The following RAD51B variants were observed in gnomAD, a reference collection of about 807,000 sequenced individuals.
RAD51B encodes the protein DNA repair protein RAD51 homolog 2.
In RAD51B, 38 loss-of-function variants were observed where a neutral mutation model predicts 42.2. The observed-to-expected ratio is 0.90, with a 90% CI of 0.70 to 1.18. RAD51B has a LOEUF of 1.18. Ranked by LOEUF, RAD51B falls within the 50% of genes most tolerant of loss-of-function variation. The pLI is 0.00. For missense variants in RAD51B, 373 were observed against 400.7 expected (o/e 0.93, Z 0.59); for synonymous variants, 154 against 145.2 (o/e 1.06, Z -0.43).
intron 7 of RAD51B, among the ~76,000 whole-genome samples, chr14:68,089,678 C>T (rs1326883473): frequency 6.6e-6 from 1 of 152,184 alleles, no homozygotes; most frequent in Admixed American, 6.5e-5. Flanking sequence ...TCCCACCATC[C>T]CCTTTCCCCC....
At chr14:67,844,252 A>T (rs561702137) in intron 4 of RAD51B, among the ~76,000 whole-genome samples, 1 of 150,488 alleles carries the variant, frequency 6.6e-6, no homozygotes, top group African/African-American at 2.4e-5. Flanking sequence ...TAATTTGTTG[A>T]CTATTGTTTT....
chr14:68,487,489 A>T (rs1232471141), intron 10 of RAD51B, among the ~76,000 whole-genome samples: 1 of 151,162 alleles, frequency 6.6e-6, no homozygotes. Context: ...GTTGTTGATC[A>T]TGATGTACAA....
At chr14:68,315,286 A>G (rs2082033853) in intron 8 of RAD51B, among the ~76,000 whole-genome samples, 1 of 152,180 alleles carries the variant, frequency 6.6e-6, no homozygotes, top group Admixed American at 6.5e-5. Flanking sequence ...TAATCTAAGA[A>G]CTATAGTTTT....
At chr14:68,249,781 A>C (rs1009027910) in intron 7 of RAD51B, among the ~76,000 whole-genome samples, 4 of 152,230 alleles carry the variant, frequency 2.6e-5, no homozygotes, top group African/African-American at 9.6e-5. Flanking sequence ...TAATCAGGGC[A>C]ATCCTGTAGG....
chr14:67,869,674 C>T (rs576741944), intron 5 of RAD51B, among the ~76,000 whole-genome samples: 28 of 151,656 alleles, frequency 1.8e-4, no homozygotes, highest in Admixed American at 6.6e-4. Context: ...AAATGTTAAG[C>T]GCAGCCAGAG....
chr14:68,060,356 C>A (rs148968463), intron 7 of RAD51B, among the ~76,000 whole-genome samples: 2 of 152,148 alleles, frequency 1.3e-5, no homozygotes, highest in Non-Finnish European at 2.9e-5. Flanking sequence ...GAATGCAGCA[C>A]AGGAAAGATA....
intron 7 of RAD51B, among the ~76,000 whole-genome samples, chr14:68,092,245 G>A (rs1380971479): frequency 6.6e-6 from 1 of 152,158 alleles, no homozygotes; most frequent in African/African-American, 2.4e-5. Flanking sequence ...GAAAGTCATT[G>A]GTAGCTTGAT....
intron 8 of RAD51B, among the ~76,000 whole-genome samples, chr14:68,310,157 T>C (rs1373245507): frequency 2.6e-5 from 4 of 152,160 alleles, no homozygotes. Context: ...AGACGGCTCC[T>C]GGGAAGACTG....
Position 68,224,779 on chromosome 14 carries a change from C to T in RAD51B, c.757-67105C>T, listed in dbSNP as rs561554162. ...GCGCAGTCTTGGCTCACTGCAACCT[C>T]TACCTCCCAGGCTCAAGCAATTCTC... On this transcript the variant is annotated intron_variant, in intron 7 of 10. Coordinates refer to ENST00000471583, the MANE Select transcript of RAD51B (RefSeq NM_133510.4). Among the ~76,000 whole-genome samples, 47 of 152,192 alleles carry T rather than the reference C, an allele frequency of 3.1e-4. 1 individual carries two copies. Among genetic ancestry groups the T allele is most frequent in the African/African-American group, 1.1e-3 (46 of 41,530 alleles).
At chr14:67,945,165 TA>T in intron 7 of RAD51B, among the ~76,000 whole-genome samples, 1 of 152,296 alleles carries the variant, frequency 6.6e-6, no homozygotes, top group Admixed American at 6.5e-5. Flanking sequence ...TTCCACTGAT[TA>T]AATGGTATTA....
At chr14:68,517,234 G>T (rs1299118874) in intron 10 of RAD51B, among the ~76,000 whole-genome samples, 1 of 145,722 alleles carries the variant, frequency 6.9e-6, no homozygotes, top group Non-Finnish European at 1.5e-5. Context: ...GGAAGGGAAG[G>T]AAAGGAAAGG....
At chr14:68,264,106 T>TCAGA (rs1555383595) in intron 7 of RAD51B, among the ~76,000 whole-genome samples, 1 of 152,184 alleles carries the variant, frequency 6.6e-6, no homozygotes, top group Non-Finnish European at 1.5e-5. Flanking sequence ...TCCTACTTCC[T>TCAGA]CAGAATTCAC....
At chr14:67,947,436 G>A (rs1030303888) in intron 7 of RAD51B, among the ~76,000 whole-genome samples, 1 of 152,188 alleles carries the variant, frequency 6.6e-6, no homozygotes, top group Non-Finnish European at 1.5e-5. Flanking sequence ...GGTAGGGACT[G>A]TGTTCGGTTT....
At chr14:68,273,549 A>C (rs1219277678) in intron 7 of RAD51B, among the ~76,000 whole-genome samples, 1 of 152,196 alleles carries the variant, frequency 6.6e-6, no homozygotes, top group Non-Finnish European at 1.5e-5. Flanking sequence ...TAAGTGATTC[A>C]AATGCTTATA....
At chr14:68,074,110 C>T (rs1034991772) in intron 7 of RAD51B, among the ~76,000 whole-genome samples, 8 of 152,148 alleles carry the variant, frequency 5.3e-5, no homozygotes, top group Non-Finnish European at 1.0e-4. Flanking sequence ...ACAATATTCT[C>T]AAATATGTTT....
intron 10 of RAD51B, chr14:68,497,011 C>A: frequency 9.1e-7 from 1 of 1,095,512 alleles, no homozygotes; most frequent in South Asian, 1.4e-5. Context: ...GGGGCATGAA[C>A]TTTTTTCCCC....
intron 10 of RAD51B, among the ~76,000 whole-genome samples, chr14:68,528,153 C>T (rs918046670): frequency 6.6e-6 from 1 of 152,208 alleles, no homozygotes; most frequent in African/African-American, 2.4e-5. Flanking sequence ...CCGTACCATA[C>T]ATCCTGAATG....
chr14:68,271,439 C>T lies in RAD51B; in HGVS notation c.757-20445C>T, dbSNP rs574450798. Among the ~76,000 whole-genome samples, 27 of 152,222 alleles carry T rather than the reference C, an allele frequency of 1.8e-4. No individual in the cohort carries two copies. In the South Asian group the frequency reaches 5.6e-3, roughly 32 times the overall value. On this transcript the variant is annotated intron_variant, in intron 7 of 10. Transcript: ENST00000471583. ...GTGTGTCTTTAGAAAGTGATTTAAC[C>T]TCTCTGAGACTCATTTTTCTCATCT...
At chr14:68,299,914 T>A (rs1363016261) in intron 8 of RAD51B, among the ~76,000 whole-genome samples, 1 of 152,202 alleles carries the variant, frequency 6.6e-6, no homozygotes, top group Non-Finnish European at 1.5e-5. Flanking sequence ...GACTTTATGA[T>A]CTAATTGACC....
Sources: allele counts gnomAD v4.1 joint callset (sites outside exome capture counted in the v4.1 genomes callset), GRCh38; gene constraint gnomAD v4.1.1; transcripts MANE v1.5; gene names NCBI Gene and HGNC (gene_info 2026-07-23, HGNC 2026-07-21).